The following ASRGL1 variants were observed in gnomAD, a reference collection of about 807,000 sequenced individuals.
The protein encoded by ASRGL1 is isoaspartyl peptidase/L-asparaginase.
A neutral mutation model predicts 22.4 loss-of-function variants in ASRGL1; 16 were observed. The observed-to-expected ratio is 0.71, with a 90% CI of 0.48 to 1.08. The LOEUF (loss-of-function observed/expected upper bound fraction) is 1.08, where lower values mean the gene tolerates loss of function less well. Ranked by LOEUF, ASRGL1 falls within the 50% of genes least tolerant of loss-of-function variation. The pLI is 0.00. For missense variants in ASRGL1, 412 were observed against 410.1 expected, an observed-to-expected ratio of 1.00 and a Z score of -0.04; for synonymous variants, 165 against 159.3, an observed-to-expected ratio of 1.04 and a Z score of -0.27.
At chr11:62,386,188 AAG>A (rs1947196386) in intron 4 of ASRGL1, among the ~76,000 whole-genome samples, 1 of 152,252 alleles carries the variant, frequency 6.6e-6, no homozygotes, top group South Asian at 2.1e-4. Context: ...AAAATAAAAA[AAG>A]ATTTTAAATT....
chr11:62,365,714 G>A (rs1310970075), intron 4 of ASRGL1, among the ~76,000 whole-genome samples: 3 of 152,138 alleles, frequency 2.0e-5, no homozygotes, highest in African/African-American at 7.2e-5. Context: ...GCTGGGTGTG[G>A]TGGCACGCAC....
chr11:62,364,292 A>G (rs1316950198), intron 4 of ASRGL1, among the ~76,000 whole-genome samples: 1 of 151,756 alleles, frequency 6.6e-6, no homozygotes, highest in Non-Finnish European at 1.5e-5. Flanking sequence ...TGTGTTTGCC[A>G]TTCATCTGCC....
chr11:62,400,566 T>G, the ASRGL1 span, among the ~76,000 whole-genome samples: 1 of 152,178 alleles, frequency 6.6e-6, no homozygotes, highest in Non-Finnish European at 1.5e-5. Flanking sequence ...CAACCCTCCA[T>G]GCTATTAACA....
At chr11:62,383,476 G>C (rs562341198) in intron 4 of ASRGL1, among the ~76,000 whole-genome samples, 2 of 150,204 alleles carry the variant, frequency 1.3e-5, no homozygotes, top group African/African-American at 4.9e-5. Context: ...AGTGGCGGGC[G>C]CCTGTAGTCC....
At chr11:62,367,215 G>A (rs746011187) in intron 4 of ASRGL1, among the ~76,000 whole-genome samples, 7 of 152,086 alleles carry the variant, frequency 4.6e-5, no homozygotes, top group Admixed American at 6.5e-5. Flanking sequence ...GTAGGTACCT[G>A]TAGTCCCAGC....
At chr11:62,362,567 TAATATATATTATATAA>T (rs1565162067) in intron 4 of ASRGL1, among the ~76,000 whole-genome samples, 17 of 14,128 alleles carry the variant, frequency 1.2e-3, no homozygotes, top group Non-Finnish European at 2.0e-3. Context: ...ATTATTTATA[TAATATATATTATATAA>T]AATATATAAT....
chr11:62,341,453 C>T (rs983125140), intron 2 of ASRGL1, among the ~76,000 whole-genome samples: 4 of 152,108 alleles, frequency 2.6e-5, no homozygotes, highest in Admixed American at 2.6e-4. Context: ...CCCACCTCAG[C>T]CTCCCAAAGT....
intron 2 of ASRGL1, among the ~76,000 whole-genome samples, chr11:62,354,387 G>A (rs1355710087): frequency 2.6e-5 from 4 of 152,176 alleles, no homozygotes; most frequent in East Asian, 1.9e-4. Flanking sequence ...ACCTTATATC[G>A]GCTGGTTTTT....
At chr11:62,355,828 C>T (rs568904545) in intron 2 of ASRGL1, among the ~76,000 whole-genome samples, 1 of 152,060 alleles carries the variant, frequency 6.6e-6, no homozygotes, top group East Asian at 1.9e-4. Flanking sequence ...TGACTCTTAA[C>T]GAGCATGCTG....
chr11:62,383,602 CAAAAAAAAA>C (rs35096038), intron 4 of ASRGL1, among the ~76,000 whole-genome samples: 7 of 21,930 alleles, frequency 3.2e-4, no homozygotes, highest in South Asian at 4.2e-3. Flanking sequence ...GACTCCTACT[CAAAAAAAAA>C]AAAAAAAAAA....
intron 4 of ASRGL1, among the ~76,000 whole-genome samples, chr11:62,373,462 GTTTT>G (rs112856978): frequency 6.7e-6 from 1 of 148,674 alleles, no homozygotes; most frequent in East Asian, 2.0e-4. Context: ...CAATCTAGGT[GTTTT>G]TTTTTTCTTT....
chr11:62,365,548 C>T (rs372082755), intron 4 of ASRGL1, among the ~76,000 whole-genome samples: 49 of 151,658 alleles, frequency 3.2e-4, no homozygotes, highest in African/African-American at 9.4e-4. Context: ...TGCAAGACTC[C>T]GTCTCAAAAA....
At chr11:62,342,080 T>C (rs1439824231) in intron 2 of ASRGL1, among the ~76,000 whole-genome samples, 1 of 152,092 alleles carries the variant, frequency 6.6e-6, no homozygotes, top group Non-Finnish European at 1.5e-5. Context: ...ACCTGACGCA[T>C]TTACCCTACT....
At chr11:62,397,605 G>C (rs1233768191), downstream of ASRGL1, among the ~76,000 whole-genome samples, 1 of 150,762 alleles carries the variant, frequency 6.6e-6, no homozygotes. Flanking sequence ...TGGAGACTGT[G>C]GTGAGCCAAG....
At chr11:62,370,728 T>C (rs373986693) in intron 4 of ASRGL1, among the ~76,000 whole-genome samples, 1 of 152,164 alleles carries the variant, frequency 6.6e-6, no homozygotes, top group African/African-American at 2.4e-5. Flanking sequence ...TAGTTCTGAA[T>C]TCATCATTTT....
intron 4 of ASRGL1, among the ~76,000 whole-genome samples, chr11:62,376,100 CAAAAAAAAA>C (rs35931241): frequency 5.8e-5 from 3 of 51,552 alleles, no homozygotes; most frequent in Admixed American, 6.0e-4. Context: ...GACTCCATCT[CAAAAAAAAA>C]AAAAAAAAAA....
At chr11:62,350,130 A>G (rs1400885934) in intron 2 of ASRGL1, among the ~76,000 whole-genome samples, 1 of 151,870 alleles carries the variant, frequency 6.6e-6, no homozygotes, top group Non-Finnish European at 1.5e-5. Context: ...GCCTTATTTT[A>G]CTCAGCTCCT....
intron 4 of ASRGL1, among the ~76,000 whole-genome samples, chr11:62,373,392 G>A (rs577684382): frequency 1.7e-4 from 26 of 151,702 alleles, no homozygotes; most frequent in African/African-American, 5.1e-4. Context: ...TCTTAATGTC[G>A]AATTAAAATA....
intron 4 of ASRGL1, among the ~76,000 whole-genome samples, chr11:62,376,849 C>G (rs1946944658): frequency 6.6e-6 from 1 of 152,184 alleles, no homozygotes; most frequent in Non-Finnish European, 1.5e-5. Flanking sequence ...TACAGCAAAA[C>G]AAGACAATAA....
Sources: gnomAD v4.1 joint callset for allele counts (sites outside exome capture counted in the v4.1 genomes callset) on GRCh38, gnomAD v4.1.1 for gene constraint, MANE v1.5 for transcripts, NCBI Gene and HGNC (gene_info 2026-07-23, HGNC 2026-07-21) for gene names.